SPAG16: variants seen among roughly 807,000 people sequenced by gnomAD.
The protein encoded by SPAG16 is sperm-associated antigen 16 protein.
SPAG16 carries 86 observed loss-of-function variants against 80.4 expected under a neutral mutation model. The ratio of observed to expected loss-of-function variants is 1.07; its 90% confidence interval spans 0.90 to 1.28. The LOEUF (loss-of-function observed/expected upper bound fraction) is 1.28, where lower values mean the gene tolerates loss of function less well. Ranked by LOEUF, SPAG16 falls within the 50% of genes most tolerant of loss-of-function variation. SPAG16 has a pLI of 0.00. For synonymous variants in SPAG16, 294 were observed against 265.9 expected, an observed-to-expected ratio of 1.11 and a Z score of -1.03; for missense variants, 870 against 765.3, an observed-to-expected ratio of 1.14 and a Z score of -1.61.
chr2:213,449,169 A>T (rs1003609986), intron 9 of SPAG16, among the ~76,000 whole-genome samples: 3 of 152,178 alleles, frequency 2.0e-5, no homozygotes, highest in Non-Finnish European at 2.9e-5. Context: ...GGTCTCCTGC[A>T]GAACCCTCAG....
chr2:213,790,570 C>T (rs1167756290), intron 10 of SPAG16, among the ~76,000 whole-genome samples: 2 of 151,534 alleles, frequency 1.3e-5, no homozygotes, highest in African/African-American at 4.8e-5. Context: ...TAATATTAGT[C>T]TTCTAACAGT....
chr2:213,867,577 A>G (rs995181021), intron 11 of SPAG16, among the ~76,000 whole-genome samples: 1 of 152,202 alleles, frequency 6.6e-6, no homozygotes, highest in Non-Finnish European at 1.5e-5. Context: ...CATATGTTCA[A>G]TAAATGTTAG....
In SPAG16 at chr2:213,950,704, T is replaced by TTC. The variant is rs1299077780; in HGVS notation, c.1400+20560_1400+20561insCT. Reference sequence around the variant, plus strand: ...TCTCTCTCTTTTCTTTTTTCTTTCTTTTTTTTTTTTTTTTTTTTTCCCTCA... The same window carrying TTC: ...TCTCTCTCTTTTCTTTTTTCTTTCTTTCTTTTTTTTTTTTTTTTTTTCCCTCA... On this transcript the variant is annotated intron_variant, in intron 12 of 15. Transcript: ENST00000331683. Among the ~76,000 whole-genome samples, 187 of 48,120 alleles carry TTC rather than the reference T, an allele frequency of 3.9e-3. 1 individual carries two copies. The highest frequency in any genetic ancestry group is 6.1e-3 in the Non-Finnish European group (157 of 25,620). The allele number at this position is 48,120 out of a possible 152,430, so 31.6% of individuals were successfully genotyped here. A position where few individuals can be genotyped will look rare whatever the true frequency, so the allele number is the denominator to read the frequency against.
At chr2:213,742,904 C>A (rs2067635502) in intron 10 of SPAG16, among the ~76,000 whole-genome samples, 2 of 147,044 alleles carry the variant, frequency 1.4e-5, no homozygotes, top group Admixed American at 6.8e-5. Flanking sequence ...ATTTAACATG[C>A]CGTATTGTTG....
chr2:213,896,551 A>G (rs944028102), intron 11 of SPAG16, among the ~76,000 whole-genome samples: 3 of 146,122 alleles, frequency 2.1e-5, no homozygotes, highest in Non-Finnish European at 4.5e-5. Context: ...AGTGTCCATC[A>G]ATGGTTAAAT....
chr2:213,706,888 C>T (rs2065779386), intron 10 of SPAG16, among the ~76,000 whole-genome samples: 2 of 152,290 alleles, frequency 1.3e-5, no homozygotes, highest in South Asian at 2.1e-4. Flanking sequence ...TAGTCATTAA[C>T]ATGGCGGTCA....
intron 9 of SPAG16, among the ~76,000 whole-genome samples, chr2:213,392,563 GA>G (rs1232625702): frequency 2.0e-5 from 3 of 151,970 alleles, no homozygotes; most frequent in African/African-American, 7.3e-5. Context: ...AAATAGTGTT[GA>G]GGCTGGGCAC....
chr2:214,040,639 C>T (rs2048956446), intron 13 of SPAG16, among the ~76,000 whole-genome samples: 1 of 152,144 alleles, frequency 6.6e-6, no homozygotes, highest in African/African-American at 2.4e-5. Flanking sequence ...TTTTTTGTGG[C>T]TGCATAGTAT....
At chr2:214,232,768 A>C (rs1407822528) in intron 15 of SPAG16, among the ~76,000 whole-genome samples, 2 of 152,036 alleles carry the variant, frequency 1.3e-5, no homozygotes, top group Non-Finnish European at 2.9e-5. Context: ...CTTCTTTAGA[A>C]TTTTATTAGA....
chr2:213,809,356 T>TTCTGTGGAAAGGTGG (rs2071975813), intron 10 of SPAG16, among the ~76,000 whole-genome samples: 3 of 152,148 alleles, frequency 2.0e-5, no homozygotes, highest in Admixed American at 2.0e-4. Context: ...CTTGGGTATG[T>TTCTGTGGAAAGGTGG]ACTGTAAGTT....
At chr2:213,973,730 G>C (rs1320800901) in intron 12 of SPAG16, among the ~76,000 whole-genome samples, 1 of 150,866 alleles carries the variant, frequency 6.6e-6, no homozygotes, top group Non-Finnish European at 1.5e-5. Flanking sequence ...AGTTCTGCTT[G>C]TTTTAAATGA....
At chr2:214,273,070 T>TG (rs1251275566) in intron 15 of SPAG16, among the ~76,000 whole-genome samples, 1 of 152,168 alleles carries the variant, frequency 6.6e-6, no homozygotes, top group East Asian at 1.9e-4. Flanking sequence ...TCATGTGTCT[T>TG]TTGGCTGCAT....
intron 10 of SPAG16, among the ~76,000 whole-genome samples, chr2:213,621,697 A>C (rs540568961): frequency 1.1e-4 from 16 of 152,316 alleles, no homozygotes; most frequent in African/African-American, 3.8e-4. Flanking sequence ...GAGGAGTTTA[A>C]TACTGCATTT....
intron 10 of SPAG16, among the ~76,000 whole-genome samples, chr2:213,625,456 T>TA (rs1327035592): frequency 2.0e-5 from 3 of 152,070 alleles, no homozygotes; most frequent in African/African-American, 7.2e-5. Context: ...CACAACAATT[T>TA]AAAAAAATAA....
At chr2:214,380,028 C>T (rs1231770392) in intron 15 of SPAG16, among the ~76,000 whole-genome samples, 1 of 152,114 alleles carries the variant, frequency 6.6e-6, no homozygotes, top group Non-Finnish European at 1.5e-5. Context: ...ATACACACTG[C>T]ATTCTTAGTT....
chr2:213,307,294 T>C (rs1377499760), intron 3 of SPAG16, among the ~76,000 whole-genome samples: 9 of 149,776 alleles, frequency 6.0e-5, no homozygotes, highest in Non-Finnish European at 7.4e-5. Flanking sequence ...CATGCTGGTG[T>C]GCTGCACCCA....
At chr2:213,948,848 G>T (rs904696361) in intron 12 of SPAG16, among the ~76,000 whole-genome samples, 3 of 152,050 alleles carry the variant, frequency 2.0e-5, no homozygotes, top group Non-Finnish European at 4.4e-5. Context: ...TTTTGCCAAA[G>T]ATTGCAAACA....
intron 9 of SPAG16, among the ~76,000 whole-genome samples, chr2:213,452,019 G>C (rs1463268303): frequency 6.6e-6 from 1 of 151,986 alleles, no homozygotes; most frequent in African/African-American, 2.4e-5. Flanking sequence ...TAAAGAAAGG[G>C]AGATGAATGT....
chr2:214,250,751 TATATATAG>T (rs1236285405), intron 15 of SPAG16, among the ~76,000 whole-genome samples: 247 of 98,830 alleles, frequency 2.5e-3, no homozygotes, highest in Middle Eastern at 0.012. Context: ...TATATATATA[TATATATAG>T]AGAGAGAGAG....
Sources: gnomAD v4.1 joint callset for allele counts (sites outside exome capture counted in the v4.1 genomes callset) on GRCh38, gnomAD v4.1.1 for gene constraint, MANE v1.5 for transcripts, NCBI Gene and HGNC (gene_info 2026-07-23, HGNC 2026-07-21) for gene names.